The following R3HDM2 variants were observed in gnomAD, a reference collection of about 807,000 sequenced individuals.
The protein encoded by R3HDM2 is R3H domain containing 2, also known as R3H domain-containing protein 2.
A neutral mutation model predicts 124.5 loss-of-function variants in R3HDM2; 38 were observed. The observed-to-expected ratio is 0.31, with a 90% CI of 0.24 to 0.40. The LOEUF is 0.40. R3HDM2 is among the 10% of genes least tolerant of loss of function. R3HDM2 has a pLI of 1.00. For missense variants in R3HDM2, 869 were observed against 1,236.9 expected (o/e 0.70, Z 4.46); for synonymous variants, 391 against 448.0 (o/e 0.87, Z 1.61).
At chr12:57,307,426 T>G (rs1269657489) in intron 3 of R3HDM2, among the ~76,000 whole-genome samples, 29 of 151,438 alleles carry the variant, frequency 1.9e-4, no homozygotes, top group Non-Finnish European at 1.5e-4. Context: ...GTTCAAGTGA[T>G]TCTCCTGCCT....
At chr12:57,352,161 G>A (rs2060741354) in intron 2 of R3HDM2, among the ~76,000 whole-genome samples, 1 of 141,028 alleles carries the variant, frequency 7.1e-6, no homozygotes, top group Non-Finnish European at 1.5e-5. Context: ...AGAATCACTT[G>A]AACCCAAGAG....
intron 11 of R3HDM2, 32 bp from the exon 12 acceptor site, chr12:57,289,072 T>A (rs2048043545): frequency 6.5e-7 from 1 of 1,527,866 alleles, no homozygotes; most frequent in Non-Finnish European, 8.9e-7. Flanking sequence ...GAAAATAACT[T>A]ATAAGAAAAC....
intron 1 of R3HDM2, among the ~76,000 whole-genome samples, chr12:57,399,443 C>T (rs1331465474): frequency 2.0e-5 from 3 of 151,934 alleles, no homozygotes; most frequent in Admixed American, 6.6e-5. Flanking sequence ...ATAATGACCC[C>T]GTCACCAGAA....
chr12:57,305,707 G>A (rs1478818453), intron 3 of R3HDM2: 1 of 398,702 alleles, frequency 2.5e-6, no homozygotes, highest in Non-Finnish European at 4.4e-6. Context: ...AGTACATTAA[G>A]TGTACTAGAG....
chr12:57,316,583 T>C (rs1032364121), intron 2 of R3HDM2, among the ~76,000 whole-genome samples: 6 of 42,612 alleles, frequency 1.4e-4, no homozygotes, highest in Non-Finnish European at 3.4e-4. Context: ...GCATCCATCC[T>C]TTTTTTTTTT....
intron 14 of R3HDM2, among the ~76,000 whole-genome samples, chr12:57,276,045 G>C (rs1378224727): frequency 6.6e-6 from 1 of 151,730 alleles, no homozygotes; most frequent in Non-Finnish European, 1.5e-5. Flanking sequence ...GTGAAACCCC[G>C]TCTCTACTAA....
Position 57,254,963 on chromosome 12 carries a change from T to C in R3HDM2, c.2783A>G (p.Asn928Ser). Reference protein sequence around the residue: ...QGLPGGGGGDNSGTAENGRHS... With the variant: ...QGLPGGGGGDSSGTAENGRHS... Reference sequence around the variant, plus strand: ...GCGGCCATTCTCAGCAGTCCCACTGTTGTCCCCCCCACCCCCTCCAGGCAG... The same window carrying C: ...GCGGCCATTCTCAGCAGTCCCACTGCTGTCCCCCCCACCCCCTCCAGGCAG... Residue 928 changes from asparagine (N) to serine (S), a missense_variant, in exon 24 of 24, where the codon AAC becomes AGC. This residue lies in a region of R3HDM2 where 602 missense variants were observed against 789.2 expected (regional missense o/e 0.76). Coordinates refer to ENST00000402412, the MANE Select transcript of R3HDM2 (RefSeq NM_001394031.1). 1.9e-6 allele frequency: 3 copies of C among 1,614,012 alleles called. No homozygotes were observed. The highest frequency in any genetic ancestry group is 2.5e-6 in the Non-Finnish European group (3 of 1,179,956).
chr12:57,331,128 G>A (rs567627325), intron 2 of R3HDM2, among the ~76,000 whole-genome samples: 45 of 151,910 alleles, frequency 3.0e-4, no homozygotes, highest in African/African-American at 8.9e-4. Flanking sequence ...CTCTCTTGGC[G>A]GAATGACTGC....
intron 2 of R3HDM2, among the ~76,000 whole-genome samples, chr12:57,374,453 G>GC: frequency 6.6e-6 from 1 of 151,684 alleles, no homozygotes; most frequent in South Asian, 2.1e-4. Context: ...ACTTTGGGAG[G>GC]TCAAGGCAGC....
chr12:57,336,075 T>C (rs2058814334), intron 2 of R3HDM2, among the ~76,000 whole-genome samples: 2 of 151,560 alleles, frequency 1.3e-5, no homozygotes, highest in South Asian at 4.2e-4. Flanking sequence ...TAATGGTATC[T>C]CATTGTGGGT....
intron 2 of R3HDM2, among the ~76,000 whole-genome samples, chr12:57,357,983 T>C (rs2137458851): frequency 6.6e-6 from 1 of 151,752 alleles, no homozygotes; most frequent in East Asian, 1.9e-4. Flanking sequence ...TTTCTTTTTT[T>C]CTTTTTTTTT....
chr12:57,314,364 G>A (rs539561421), intron 2 of R3HDM2, among the ~76,000 whole-genome samples: 1 of 151,770 alleles, frequency 6.6e-6, no homozygotes, highest in African/African-American at 2.4e-5. Flanking sequence ...CTGCAATCCC[G>A]GCTAACAGGA....
At chr12:57,396,606 G>A (rs988539641) in intron 1 of R3HDM2, among the ~76,000 whole-genome samples, 85 of 151,720 alleles carry the variant, frequency 5.6e-4, no homozygotes, top group Non-Finnish European at 8.8e-4. Flanking sequence ...GTGAAACCCC[G>A]TCTCTACTGA....
In R3HDM2 at chr12:57,334,756, TTGAGGAATCAG is replaced by T. The variant is rs748062792; in HGVS notation, c.-35-24304_-35-24294del. On this transcript the variant is annotated intron_variant, in intron 2 of 23. Coordinates refer to ENST00000402412, the MANE Select transcript of R3HDM2 (RefSeq NM_001394031.1). ...ATTGAGGAATCAGTGTAGGGATATA[TTGAGGAATCAG>T]TGAGGAATCAGTGTTCAGCTAAATC... 3.9e-5 allele frequency among the ~76,000 whole-genome samples: 6 copies of T among 152,182 alleles called. No individual in the cohort carries two copies. In the South Asian group the frequency reaches 6.2e-4, roughly 16 times the overall value.
intron 2 of R3HDM2, among the ~76,000 whole-genome samples, chr12:57,371,423 T>G (rs2063371274): frequency 6.6e-6 from 1 of 152,088 alleles, no homozygotes; most frequent in African/African-American, 2.4e-5. Context: ...AGAAATATCA[T>G]TCAAGATAAC....
chr12:57,317,539 A>T (rs1378042183), intron 2 of R3HDM2, among the ~76,000 whole-genome samples: 2 of 151,150 alleles, frequency 1.3e-5, no homozygotes, highest in African/African-American at 4.9e-5. Context: ...GACCCTCCCT[A>T]TCTCTGGACT....
In R3HDM2 at chr12:57,253,984, T is replaced by C; in HGVS notation, c.*789A>G. 1 of 371,740 alleles carries C rather than the reference T, an allele frequency of 2.7e-6. No homozygotes were observed. The highest frequency in any genetic ancestry group is 2.1e-5 in the South Asian group (1 of 48,644). 23.0% of individuals were successfully genotyped at this position (371,740 alleles called of 1,614,324 possible). On this transcript the variant is annotated 3_prime_UTR_variant, in exon 24 of 24. Transcript: ENST00000402412. ...GGCCAGGGGAATCCCAAGTTTTAAC[T>C]CTGTGGGGTCTAGGAAGACAAGATG...
rs1222539221 is a variant in R3HDM2 at position 57,254,284 on chromosome 12, T to C, written c.*489A>G. On this transcript the variant is annotated 3_prime_UTR_variant, in exon 24 of 24. Transcript: ENST00000402412. Reference sequence around the variant, plus strand: ...GGAAGGCCAAGGCAGGTGGATCACCTGAGGTCAGGAGTTTGAGGCCAGCCT... The same window carrying C: ...GGAAGGCCAAGGCAGGTGGATCACCCGAGGTCAGGAGTTTGAGGCCAGCCT... 2 of 447,522 alleles carry C rather than the reference T, an allele frequency of 4.5e-6. No individual in the cohort carries two copies. Among genetic ancestry groups the C allele is most frequent in the Non-Finnish European group, 8.9e-6 (2 of 224,930 alleles). The allele number at this position is 447,522 out of a possible 1,614,324, so 27.7% of individuals were successfully genotyped here. A position where few individuals can be genotyped will look rare whatever the true frequency, so the allele number is the denominator to read the frequency against.
At chr12:57,385,005 G>T (rs1237589978) in intron 2 of R3HDM2, among the ~76,000 whole-genome samples, 2 of 151,930 alleles carry the variant, frequency 1.3e-5, no homozygotes, top group African/African-American at 2.4e-5. Context: ...AAATTAGCTG[G>T]ACGTTGTGGC....
Sources: allele counts gnomAD v4.1 joint callset (sites outside exome capture counted in the v4.1 genomes callset), GRCh38; gene constraint gnomAD v4.1.1; regional missense constraint gnomAD v4.1.1; transcripts MANE v1.5; gene names NCBI Gene and HGNC (gene_info 2026-07-23, HGNC 2026-07-21).